Variants in TSC22D1 observed in about 807,000 individuals in gnomAD.
TSC22D1 encodes the protein TSC22 domain family member 1.
A neutral mutation model predicts 74.2 loss-of-function variants in TSC22D1; 9 were observed. The ratio of observed to expected loss-of-function variants is 0.12; its 90% CI spans 0.07 to 0.21. TSC22D1 has a LOEUF of 0.21. Among genes scored for constraint, TSC22D1 ranks in the 10% least tolerant of loss-of-function variants. TSC22D1 has a pLI of 1.00. For missense variants in TSC22D1, 1,427 were observed against 1,304.7 expected, an observed-to-expected ratio of 1.09 and a Z score of -1.44; for synonymous variants, 586 against 492.5, an observed-to-expected ratio of 1.19 and a Z score of -2.51.
rs769076854 is a variant in TSC22D1 at position 44,573,979 on chromosome 13, G to A, written c.2096C>T (p.Thr699Ile). 1 of 1,614,044 alleles carries A rather than the reference G, an allele frequency of 6.2e-7. No individual in the cohort carries two copies. The highest frequency in any genetic ancestry group is 2.2e-5 in the East Asian group (1 of 44,884). Residue 699 changes from threonine to isoleucine, a missense_variant, in exon 1 of 3, where the codon ACA (threonine) becomes ATA (isoleucine). Around this residue, in one of 3 missense-constraint regions of TSC22D1, gnomAD observed 1,343 missense variants for 1,191.5 expected, o/e 1.13. Coordinates refer to ENST00000458659, the MANE Select transcript of TSC22D1 (RefSeq NM_183422.4). ...PQGIQLPVQP[T>I]AVPAQPAGAS... ...CCCTGCAGGTTGTGCTGGGACTGCT[G>A]TGGGCTGCACTGGCAGCTGGATACC...
intron 1 of TSC22D1, among the ~76,000 whole-genome samples, chr13:44,506,338 T>C (rs1010306675): frequency 1.2e-4 from 19 of 152,188 alleles, no homozygotes; most frequent in African/African-American, 4.3e-4. Context: ...TGCAGGGTCA[T>C]GGATAGAGCT....
chr13:44,526,236 C>T (rs1358318426), intron 1 of TSC22D1, among the ~76,000 whole-genome samples: 1 of 151,912 alleles, frequency 6.6e-6, no homozygotes, highest in Non-Finnish European at 1.5e-5. Context: ...ATTATTAGGC[C>T]AACAATTGCA....
chr13:44,496,363 C>G (rs1878976474), intron 1 of TSC22D1, among the ~76,000 whole-genome samples: 1 of 152,102 alleles, frequency 6.6e-6, no homozygotes, highest in Non-Finnish European at 1.5e-5. Flanking sequence ...TAGGGAGACC[C>G]TGTCTCCACA....
chr13:44,575,969 C>T lies in TSC22D1; in HGVS notation c.106G>A (p.Gly36Ser). The T allele has an allele frequency of 6.2e-7, 1 of 1,605,518 alleles. No homozygotes were observed. The highest frequency in any genetic ancestry group is 1.7e-5 in the Admixed American group (1 of 58,506). ...GCTGCATTGAGAGCAGAGGCGCTGC[C>T]ACTACCGCTGCCCCTTCGAGGGAAC... The part of the protein sequence containing the change: ...AMFPRRGSGS[G>S]SASALNAAGT... The change falls in exon 1 of 3, where the codon GGC becomes AGC. Residue 36 changes from glycine to serine, a missense_variant. Transcript: ENST00000458659.
chr13:44,456,126 T>G (rs533027204), intron 1 of TSC22D1, among the ~76,000 whole-genome samples: 106 of 152,308 alleles, frequency 7.0e-4, no homozygotes, highest in African/African-American at 2.4e-3. Flanking sequence ...AATAAAGCCG[T>G]GGACCCTCGC....
intron 1 of TSC22D1, among the ~76,000 whole-genome samples, chr13:44,563,986 A>G (rs1883207728): frequency 6.6e-6 from 1 of 152,180 alleles, no homozygotes; most frequent in Non-Finnish European, 1.5e-5. Flanking sequence ...CTCCTTGGGG[A>G]CAAGAACCAT....
chr13:44,495,084 A>C (rs1378026762), intron 1 of TSC22D1, among the ~76,000 whole-genome samples: 2 of 152,304 alleles, frequency 1.3e-5, no homozygotes, highest in East Asian at 3.9e-4. Flanking sequence ...GAAAGAATGA[A>C]GAAAAATGAA....
intron 1 of TSC22D1, among the ~76,000 whole-genome samples, chr13:44,548,455 ACT>A (rs1292411136): frequency 6.6e-6 from 1 of 152,242 alleles, no homozygotes; most frequent in Non-Finnish European, 1.5e-5. Context: ...GAATAAACAT[ACT>A]GTTTTAAGTA....
chr13:44,509,386 C>T (rs541170615), intron 1 of TSC22D1, among the ~76,000 whole-genome samples: 28 of 152,332 alleles, frequency 1.8e-4, no homozygotes, highest in African/African-American at 6.3e-4. Context: ...CGCCTGTAAT[C>T]CCAGCACTTT....
chr13:44,445,326 T>C (rs1414809115), intron 1 of TSC22D1, among the ~76,000 whole-genome samples: 37 of 111,012 alleles, frequency 3.3e-4, no homozygotes. Flanking sequence ...CTGGAACAAC[T>C]GCAAAAAAAA....
intron 1 of TSC22D1, among the ~76,000 whole-genome samples, chr13:44,479,606 G>T (rs529032222): frequency 1.3e-5 from 2 of 152,236 alleles, no homozygotes; most frequent in African/African-American, 4.8e-5. Flanking sequence ...AAACAAAAAT[G>T]GCAAGCTGTT....
At chr13:44,444,304 A>AAAAAAAAAAAG (rs1875451694) in intron 1 of TSC22D1, among the ~76,000 whole-genome samples, 1 of 140,866 alleles carries the variant, frequency 7.1e-6, no homozygotes, top group African/African-American at 2.7e-5. Flanking sequence ...AAAAAAAAAA[A>AAAAAAAAAAAG]AAAAGAAAAG....
intron 1 of TSC22D1, among the ~76,000 whole-genome samples, chr13:44,518,532 C>G (rs568725862): frequency 6.6e-6 from 1 of 151,856 alleles, no homozygotes; most frequent in African/African-American, 2.4e-5. Flanking sequence ...GATGGAAAAC[C>G]CTATTAAGGC....
chr13:44,438,738 A>C (rs1198712081), intron 1 of TSC22D1, among the ~76,000 whole-genome samples: 1 of 152,190 alleles, frequency 6.6e-6, no homozygotes, highest in Non-Finnish European at 1.5e-5. Context: ...ACTAAGTAGA[A>C]GCTTAGAAAT....
intron 1 of TSC22D1, among the ~76,000 whole-genome samples, chr13:44,456,135 G>A (rs551199352): frequency 4.9e-4 from 74 of 152,296 alleles, no homozygotes; most frequent in African/African-American, 1.6e-3. Context: ...GTGGACCCTC[G>A]CAGTGAGTGT....
intron 1 of TSC22D1, among the ~76,000 whole-genome samples, chr13:44,446,769 G>GAGGAA (rs1875679429): frequency 7.0e-6 from 1 of 143,388 alleles, no homozygotes; most frequent in East Asian, 2.0e-4. Context: ...AAGAAGAAGA[G>GAGGAA]GAAGAAGAGG....
In TSC22D1 at chr13:44,433,482, G is replaced by C. The variant is rs1398949722; in HGVS notation, c.*1144C>G. 6.6e-6 allele frequency: 1 copy of C among 152,398 alleles called. No individual in the cohort carries two copies. The highest frequency in any genetic ancestry group is 1.5e-5 in the Non-Finnish European group (1 of 68,180). The allele number at this position is 152,398 out of a possible 1,614,324, so 9.4% of individuals were successfully genotyped here. On this transcript the variant is annotated 3_prime_UTR_variant, in exon 3 of 3. Coordinates refer to ENST00000458659, the MANE Select transcript of TSC22D1 (RefSeq NM_183422.4). The stretch of plus-strand genomic sequence containing the variant: ...TTTACCTGGAAACAGTTGTGGAAAT[G>C]ACTGCCATTATGTTAACAGGGTCAT...
At chr13:44,552,705 T>C (rs1305573326) in intron 1 of TSC22D1, among the ~76,000 whole-genome samples, 2 of 152,196 alleles carry the variant, frequency 1.3e-5, no homozygotes, top group Non-Finnish European at 2.9e-5. Flanking sequence ...AATAAGGTGG[T>C]AGGCCGGGCG....
intron 1 of TSC22D1, among the ~76,000 whole-genome samples, chr13:44,509,632 T>A (rs1316552580): frequency 6.6e-6 from 1 of 152,112 alleles, no homozygotes; most frequent in Non-Finnish European, 1.5e-5. Context: ...AGAGCGAGAC[T>A]CCATCCATTA....
Sources: gnomAD v4.1 joint callset for allele counts (sites outside exome capture counted in the v4.1 genomes callset) on GRCh38, gnomAD v4.1.1 for gene constraint, gnomAD v4.1.1 regional missense constraint, MANE v1.5 for transcripts, NCBI Gene and HGNC (gene_info 2026-07-23, HGNC 2026-07-21) for gene names.